The following BDH1 variants were observed in gnomAD, a reference collection of about 807,000 sequenced individuals.
BDH1 encodes 3-hydroxybutyrate dehydrogenase 1.
In BDH1, 30 loss-of-function variants were observed where a neutral mutation model predicts 33.1. The observed-to-expected ratio is 0.91, with a 90% CI of 0.68 to 1.23. The LOEUF (loss-of-function observed/expected upper bound fraction) is 1.23, where lower values mean the gene tolerates loss of function less well. Among genes scored for constraint, BDH1 ranks in the 50% most tolerant of loss-of-function variants. The pLI is 0.00. For missense variants in BDH1, 443 were observed against 464.4 expected, an observed-to-expected ratio of 0.95 and a Z score of 0.42; for synonymous variants, 190 against 183.6, an observed-to-expected ratio of 1.03 and a Z score of -0.28.
chr3:197,542,225 C>T (rs1260442914), intron 3 of BDH1, among the ~76,000 whole-genome samples: 1 of 152,234 alleles, frequency 6.6e-6, no homozygotes, highest in African/African-American at 2.4e-5. Flanking sequence ...AGCCTGGGCT[C>T]CCCAAAGCCA....
chr3:197,537,993 G>C (rs1230527924), intron 3 of BDH1, among the ~76,000 whole-genome samples: 1 of 152,174 alleles, frequency 6.6e-6, no homozygotes, highest in Non-Finnish European at 1.5e-5. Context: ...GAAACAAAAA[G>C]AAAACCTAGA....
chr3:197,565,988 T>C (rs910187306), intron 1 of BDH1, among the ~76,000 whole-genome samples: 11 of 152,222 alleles, frequency 7.2e-5, no homozygotes, highest in African/African-American at 2.2e-4. Flanking sequence ...TTGCTTAAAA[T>C]GTTGCTGATC....
intron 1 of BDH1, among the ~76,000 whole-genome samples, chr3:197,567,980 G>A (rs1208361764): frequency 6.6e-6 from 1 of 152,156 alleles, no homozygotes; most frequent in African/African-American, 2.4e-5. Flanking sequence ...TTGCCTGCTA[G>A]CTCACACTCT....
upstream of BDH1, chr3:197,556,025 G>C (rs936481180): frequency 6.6e-6 from 1 of 152,222 alleles, no homozygotes; most frequent in South Asian, 2.1e-4. Context: ...GTGGCTGTCG[G>C]GGGGCCGCCG....
rs1713763317 is a variant in BDH1, at chr3:197,523,374, A to C, written c.268-593T>G. 6.6e-6 allele frequency: 1 copy of C among 152,500 alleles called. No individual in the cohort carries two copies. The highest frequency in any genetic ancestry group is 2.4e-5 in the African/African-American group (1 of 41,456). 9.4% of individuals were successfully genotyped at this position (152,500 alleles called of 1,614,324 possible). A position where few individuals can be genotyped will look rare whatever the true frequency, so the allele number is the denominator to read the frequency against. ...CAGAGCCAGCCTCTAATCCCAGCTC[A>C]GTCACTGAGTAGGCTTTGTGCACTC... On this transcript the variant is annotated intron_variant, in intron 5 of 7. Coordinates refer to ENST00000392379, the MANE Select transcript of BDH1 (RefSeq NM_203314.3). This position sits in a 1 kb window ranked among gnomAD's most constrained non-coding sequence, Gnocchi z 4.5.
chr3:197,543,454 G>A (rs1715825100), intron 3 of BDH1, among the ~76,000 whole-genome samples: 1 of 152,236 alleles, frequency 6.6e-6, no homozygotes. Context: ...AGCCCAGGAG[G>A]CAGGGTCCCA....
Position 197,522,774 on chromosome 3 carries a change from C to T in BDH1, c.275G>A (p.Gly92Asp). 6.2e-7 allele frequency: 1 copy of T among 1,613,884 alleles called. No homozygotes were observed. Among genetic ancestry groups the T allele is most frequent in the South Asian group, 1.1e-5 (1 of 91,042 alleles). ...VFAGCLMKDK[G>D]HDGVKELDSL... is the part of the protein sequence containing the mutation. Reference sequence around the variant, plus strand: ...GTCCAGCTCCTTGACCCCATCATGGCCTTTGTCCTGGGGAGGAGAGAAGAG... The same window carrying T: ...GTCCAGCTCCTTGACCCCATCATGGTCTTTGTCCTGGGGAGGAGAGAAGAG... The change falls in exon 6 of 8, where the codon GGC becomes GAC. Residue 92 changes from glycine to aspartate, a missense_variant. Transcript: ENST00000392379. The surrounding 1 kb of genome is among the most constrained non-coding windows in gnomAD (Gnocchi z 4.8).
rs78905430 is a variant in BDH1, at chr3:197,526,172, C to G, written c.268-3391G>C. Among the ~76,000 whole-genome samples the G allele has an allele frequency of 0.026, 3,946 of 152,312 alleles. 72 individuals are homozygous for G. The highest frequency in any genetic ancestry group is 0.061 in the Middle Eastern group (18 of 294). On this transcript the variant is annotated intron_variant, in intron 5 of 7. Coordinates refer to ENST00000392379, the MANE Select transcript of BDH1 (RefSeq NM_203314.3). The surrounding 1 kb of genome is among the most constrained non-coding windows in gnomAD (Gnocchi z 4.7). ...TTTGGCATGAAGAGTCCTGTTCAGT[C>G]TCTTAAGCAAATAATTCCAGCCCAG...
At chr3:197,571,248 G>A (rs1433832100) in intron 1 of BDH1, among the ~76,000 whole-genome samples, 1 of 152,172 alleles carries the variant, frequency 6.6e-6, no homozygotes, top group Non-Finnish European at 1.5e-5. Flanking sequence ...GCTCATAAGT[G>A]GAAGAGACTT....
chr3:197,538,875 T>C (rs1403922284), intron 3 of BDH1: 1 of 154,814 alleles, frequency 6.5e-6, no homozygotes, highest in African/African-American at 2.4e-5. Flanking sequence ...CAGGATAGTG[T>C]GGTCGGTACA....
At chr3:197,566,412 C>T (rs1003691803) in intron 1 of BDH1, among the ~76,000 whole-genome samples, 6 of 152,220 alleles carry the variant, frequency 3.9e-5, no homozygotes, top group Non-Finnish European at 5.9e-5. Flanking sequence ...CCCAGGAGCC[C>T]CAAGTTTATC....
chr3:197,533,356 T>G, intron 4 of BDH1, 133 bp downstream of exon 4: 1 of 872,564 alleles, frequency 1.1e-6, no homozygotes, highest in Non-Finnish European at 1.8e-6. Flanking sequence ...TGGGGGAGGG[T>G]TAAGTGAGAA....
At chr3:197,538,019 C>T (rs1382562338) in intron 3 of BDH1, among the ~76,000 whole-genome samples, 1 of 152,178 alleles carries the variant, frequency 6.6e-6, no homozygotes, top group Non-Finnish European at 1.5e-5. Context: ...CATCACTGCA[C>T]CATTTCTTGG....
In BDH1 at chr3:197,514,871, A is replaced by G. The variant is rs1712523262; in HGVS notation, c.410-455T>C. On this transcript the variant is annotated intron_variant, in intron 6 of 7. Transcript: ENST00000392379. The surrounding 1 kb of genome is among the most constrained non-coding windows in gnomAD (Gnocchi z 4.2). ...CCAGAAGCCAGGGAAATCACAGGGGAGGTGGGCACGAGGAGGCAGCTGTGT... is the reference window on the plus strand; with the variant it reads ...CCAGAAGCCAGGGAAATCACAGGGGGGGTGGGCACGAGGAGGCAGCTGTGT... Among the ~76,000 whole-genome samples, 1 of 152,116 alleles carries G rather than the reference A, an allele frequency of 6.6e-6. No individual in the cohort carries two copies.
chr3:197,533,403 C>T (rs1394011583), intron 4 of BDH1, 86 bp downstream of exon 4: 2 of 1,405,884 alleles, frequency 1.4e-6, no homozygotes, highest in Non-Finnish European at 1.0e-6. Flanking sequence ...TAAGGCCCCA[C>T]TCTGAGGGTA....
At chr3:197,558,710 C>T (rs1381795137), upstream of BDH1, among the ~76,000 whole-genome samples, 1 of 152,230 alleles carries the variant, frequency 6.6e-6, no homozygotes, top group Non-Finnish European at 1.5e-5. Flanking sequence ...GAGCTACTGA[C>T]CTCAACCACT....
Position 197,514,343 on chromosome 3 carries a change from G to A in BDH1, c.483C>T (p.Tyr161=), listed in dbSNP as rs765305766. ...AAAGGTTCACTTCTGCCACCTGCTTGTAGGTCTCCAGGCTGGTGAACTCCA... is the reference window on the plus strand; with the variant it reads ...AAAGGTTCACTTCTGCCACCTGCTTATAGGTCTCCAGGCTGGTGAACTCCA... The part of the protein sequence containing the change: ...GEVEFTSLET[Y]KQVAEVNLWG... Residue 161 remains tyrosine (Y), a synonymous_variant, in exon 7 of 8, where the codon TAC becomes TAT. Coordinates refer to ENST00000392379, the MANE Select transcript of BDH1 (RefSeq NM_203314.3). The surrounding 1 kb of genome is among the most constrained non-coding windows in gnomAD (Gnocchi z 4.2). 11 of 1,613,810 alleles carry A rather than the reference G, an allele frequency of 6.8e-6. No homozygotes were observed. In the African/African-American group the frequency reaches 1.2e-4, roughly 18 times the overall value.
chr3:197,523,762 C>T lies in BDH1; in HGVS notation c.268-981G>A, dbSNP rs527596984. 3.2e-4 allele frequency among the ~76,000 whole-genome samples: 49 copies of T among 152,136 alleles called. No individual in the cohort carries two copies. The highest frequency in any genetic ancestry group is 1.1e-3 in the African/African-American group (46 of 41,508). On this transcript the variant is annotated intron_variant, in intron 5 of 7. Transcript: ENST00000392379. This position sits in a 1 kb window ranked among gnomAD's most constrained non-coding sequence, Gnocchi z 4.5. ...GGAGGTGGGAGGGGCACAGGAGGGA[C>T]GGGCAGGGGAGACCTTCCAAAGGCA...
intron 2 of BDH1, among the ~76,000 whole-genome samples, chr3:197,549,071 C>G: frequency 6.6e-6 from 1 of 152,090 alleles, no homozygotes; most frequent in East Asian, 1.9e-4. Flanking sequence ...CTTCACACAC[C>G]ACTTTCTTGC....
Sources: allele counts gnomAD v4.1 joint callset (sites outside exome capture counted in the v4.1 genomes callset), GRCh38; gene constraint gnomAD v4.1.1; non-coding constraint Gnocchi (gnomAD v3.1); transcripts MANE v1.5; gene names NCBI Gene and HGNC (gene_info 2026-07-23, HGNC 2026-07-21).